The following PCNX1 variants were observed in gnomAD, a reference collection of about 807,000 sequenced individuals.
The protein encoded by PCNX1 is pecanex 1.
Under a neutral mutation model 242.2 loss-of-function variants are expected in PCNX1, and 78 were observed. The observed-to-expected ratio is 0.32, with a 90% CI of 0.27 to 0.39. The LOEUF (loss-of-function observed/expected upper bound fraction) is 0.39. Among genes scored for constraint, PCNX1 ranks in the 10% least tolerant of loss-of-function variants. The probability of loss-of-function intolerance (pLI) is 1.00; values close to 1 mark genes in which losing one functional copy is unlikely to be tolerated. For missense variants in PCNX1, 2,581 were observed against 2,856.5 expected, an observed-to-expected ratio of 0.90 and a Z score of 2.20; for synonymous variants, 1,024 against 1,032.9, an observed-to-expected ratio of 0.99 and a Z score of 0.17.
At chr14:71,103,730 G>A in intron 32 of PCNX1, 61 bp downstream of exon 32, 2 of 1,513,984 alleles carry the variant, frequency 1.3e-6, no homozygotes, top group Admixed American at 1.7e-5. Context: ...AATCTAGGCA[G>A]TGTGCATCAC....
rs550667779 is a variant in PCNX1, at chr14:71,089,062, T to A, written c.5439-130T>A. 4.5e-6 allele frequency: 3 copies of A among 662,388 alleles called. No homozygotes were observed. The East Asian group carries it at 8.4e-5, about 19-fold the overall frequency. The allele number at this position is 662,388 out of a possible 1,614,324, so 41.0% of individuals were successfully genotyped here. ...CTCTTGTGATTCTGGTTCAGGGTTC[T>A]GACATTAGTTCCTGGAATCTGTATT... On this transcript the variant is annotated intron_variant, in intron 29 of 35. Transcript: ENST00000304743.
At chr14:71,075,964 G>A (rs1464971217) in intron 27 of PCNX1, among the ~76,000 whole-genome samples, 3 of 151,956 alleles carry the variant, frequency 2.0e-5, no homozygotes, top group Non-Finnish European at 4.4e-5. Flanking sequence ...TGATTTTAAA[G>A]TATTAGATGT....
At chr14:71,048,356 CTG>C (rs1394168051) in intron 22 of PCNX1, among the ~76,000 whole-genome samples, 3 of 152,144 alleles carry the variant, frequency 2.0e-5, no homozygotes, top group Non-Finnish European at 4.4e-5. Flanking sequence ...GCTGAGGAGA[CTG>C]AGGCTAGGTG....
Position 71,005,031 on chromosome 14 carries a change from A to G in PCNX1, c.2630-4603A>G, listed in dbSNP as rs149327444. 8.9e-3 allele frequency among the ~76,000 whole-genome samples: 1,354 copies of G among 152,300 alleles called. 8 individuals are homozygous for G. Among genetic ancestry groups the G allele is most frequent in the South Asian group, 0.017 (82 of 4,822 alleles). On this transcript the variant is annotated intron_variant, in intron 8 of 35. Transcript: ENST00000304743. ...GTGCATCAGGCTTGGAGGACACAGA[A>G]TGAAGGGAAGGTTGGGGGAGGTAGG...
chr14:71,060,825 A>G (rs2061308826), intron 26 of PCNX1: 1 of 152,226 alleles, frequency 6.6e-6, no homozygotes, highest in Non-Finnish European at 1.5e-5. Flanking sequence ...TCTCAGCATC[A>G]TGACAATCAC....
intron 6 of PCNX1, among the ~76,000 whole-genome samples, chr14:70,979,412 T>C (rs2058772273): frequency 6.6e-6 from 1 of 152,094 alleles, no homozygotes; most frequent in Non-Finnish European, 1.5e-5. Context: ...TCAGTGTGTG[T>C]TGGCCTCTTT....
chr14:71,084,567 G>T (rs958591238), intron 28 of PCNX1, among the ~76,000 whole-genome samples: 1 of 152,206 alleles, frequency 6.6e-6, no homozygotes, highest in African/African-American at 2.4e-5. Context: ...ATCCAGAGAG[G>T]CAGTCTGGCT....
intron 3 of PCNX1, among the ~76,000 whole-genome samples, chr14:70,967,972 G>T (rs1373060586): frequency 2.6e-5 from 4 of 152,146 alleles, no homozygotes; most frequent in African/African-American, 9.7e-5. Flanking sequence ...CATGCAGAGG[G>T]ATTGGGTAGC....
At position 71,112,669 on chromosome 14, in the gene PCNX1, C is replaced by T. The variant is rs1193565222; in HGVS notation, c.*2734C>T. The T allele has an allele frequency of 2.6e-5, 4 of 152,078 alleles. No homozygotes were observed. The highest frequency in any genetic ancestry group is 4.4e-5 in the Non-Finnish European group (3 of 67,962). 9.4% of individuals were successfully genotyped at this position (152,078 alleles called of 1,614,324 possible). A position where few individuals can be genotyped will look rare whatever the true frequency, so the allele number is the denominator to read the frequency against. ...ATAGTGAGTGACTCGTTTAGATTCT[C>T]TGCTTTTTTTCAGTTATGTACAAGA... On this transcript the variant is annotated 3_prime_UTR_variant, in exon 36 of 36. Coordinates refer to ENST00000304743, the MANE Select transcript of PCNX1 (RefSeq NM_014982.3).
chr14:71,024,321 T>A (rs1416498975), intron 13 of PCNX1, among the ~76,000 whole-genome samples: 1 of 152,144 alleles, frequency 6.6e-6, no homozygotes, highest in Non-Finnish European at 1.5e-5. Flanking sequence ...TTCAAATAGG[T>A]TTTGCCCATT....
intron 26 of PCNX1, among the ~76,000 whole-genome samples, chr14:71,069,058 G>A (rs563675504): frequency 1.3e-5 from 2 of 152,088 alleles, no homozygotes; most frequent in African/African-American, 4.8e-5. Flanking sequence ...CATGGCAGAA[G>A]GTGAAAGGCA....
At chr14:70,983,327 C>T (rs563988308) in intron 6 of PCNX1, among the ~76,000 whole-genome samples, 9 of 151,732 alleles carry the variant, frequency 5.9e-5, no homozygotes, top group Non-Finnish European at 1.0e-4. Flanking sequence ...TTTCTTGGGA[C>T]GGAGTCTCAC....
At chr14:71,031,823 G>C (rs759964847) in intron 16 of PCNX1, 6 of 1,490,148 alleles carry the variant, frequency 4.0e-6, no homozygotes, top group Non-Finnish European at 5.6e-6. Flanking sequence ...GCGAGGAGAG[G>C]GATGGTGGCA....
At chr14:71,064,321 G>A (rs1364264962) in intron 26 of PCNX1, among the ~76,000 whole-genome samples, 1 of 152,030 alleles carries the variant, frequency 6.6e-6, no homozygotes. Context: ...TATTAGTAGG[G>A]CATATTGGGT....
intron 1 of PCNX1, among the ~76,000 whole-genome samples, chr14:70,911,104 T>C (rs1358870623): frequency 6.6e-6 from 1 of 152,210 alleles, no homozygotes; most frequent in African/African-American, 2.4e-5. Flanking sequence ...TAGGTTATTA[T>C]TTGCATGCTC....
intron 1 of PCNX1, among the ~76,000 whole-genome samples, chr14:70,934,856 G>C (rs1209275515): frequency 6.6e-6 from 1 of 152,186 alleles, no homozygotes; most frequent in Admixed American, 6.5e-5. Flanking sequence ...ATGACAATGT[G>C]AATCACAATT....
chr14:71,097,621 C>A (rs1437513562), intron 30 of PCNX1, among the ~76,000 whole-genome samples: 2 of 152,046 alleles, frequency 1.3e-5, no homozygotes, highest in Non-Finnish European at 2.9e-5. Context: ...TATCTTTTGC[C>A]CACTTTTTAA....
At chr14:71,066,307 T>G (rs2141337221) in intron 26 of PCNX1, among the ~76,000 whole-genome samples, 1 of 152,326 alleles carries the variant, frequency 6.6e-6, no homozygotes, top group Non-Finnish European at 1.5e-5. Context: ...GGTTTGTAGT[T>G]CTCCTTGAAG....
intron 13 of PCNX1, among the ~76,000 whole-genome samples, chr14:71,025,758 A>G (rs1012134716): frequency 2.0e-5 from 3 of 152,098 alleles, no homozygotes; most frequent in African/African-American, 7.2e-5. Flanking sequence ...AGTCCCAGCT[A>G]CTTGGAAGGC....
Sources: gnomAD v4.1 joint callset for allele counts (sites outside exome capture counted in the v4.1 genomes callset) on GRCh38, gnomAD v4.1.1 for gene constraint, MANE v1.5 for transcripts, NCBI Gene and HGNC (gene_info 2026-07-23, HGNC 2026-07-21) for gene names.